The following TNRC18 variants were observed in gnomAD, a reference collection of about 807,000 sequenced individuals.
The protein encoded by TNRC18 is trinucleotide repeat containing 18.
In TNRC18, 69 loss-of-function variants were observed where a neutral mutation model predicts 226.7. The observed-to-expected ratio is 0.30, with a 90% CI of 0.25 to 0.37. TNRC18 has a LOEUF of 0.37. TNRC18 is among the 10% of genes least tolerant of loss of function. TNRC18 has a pLI of 1.00. For missense variants in TNRC18, 4,754 were observed against 4,256.6 expected, an observed-to-expected ratio of 1.12 and a Z score of -3.25; for synonymous variants, 2,449 against 1,927.6, an observed-to-expected ratio of 1.27 and a Z score of -7.09.
rs1392933711 is a variant in TNRC18, at chr7:5,388,406, C to T, written c.1418G>A (p.Arg473Lys). ...KELLKPEADPRPCERAPRGPA... is the reference protein window; with the variant it reads ...KELLKPEADPKPCERAPRGPA... ...GCCGCGGGGCGCACGCTCGCAGGGC[C>T]TCGGGTCCGCCTCGGGCTTGAGCAG... Residue 473 changes from arginine to lysine, a missense_variant, in exon 5 of 30, where the codon AGG becomes AAG. Physicochemically the swap from Arg to Lys is conservative, Grantham distance 26. Transcript: ENST00000430969. 2 of 1,497,994 alleles carry T rather than the reference C, an allele frequency of 1.3e-6. No individual in the cohort carries two copies. Among genetic ancestry groups the T allele is most frequent in the Non-Finnish European group, 1.8e-6 (2 of 1,132,988 alleles). 92.8% of individuals were successfully genotyped at this position (1,497,994 alleles called of 1,614,324 possible).
intron 18 of TNRC18, 47 bp downstream of exon 18, chr7:5,345,515 C>CCGGGGGCGG: frequency 2.9e-6 from 1 of 347,090 alleles, no homozygotes; most frequent in East Asian, 5.0e-5. Context: ...GCAATGGCGT[C>CCGGGGGCGG]CGCCCCTCCC....
intron 2 of TNRC18, among the ~76,000 whole-genome samples, chr7:5,407,834 G>A (rs1781581255): frequency 6.6e-6 from 1 of 152,106 alleles, no homozygotes; most frequent in Admixed American, 6.5e-5. Flanking sequence ...CTCCCAGGGT[G>A]GAAAAAGAGG....
Position 5,324,231 on chromosome 7 carries a change from T to A in TNRC18, c.6425A>T (p.Glu2142Val). The A allele has an allele frequency of 6.2e-7, 1 of 1,608,762 alleles. No homozygotes were observed. The highest frequency in any genetic ancestry group is 8.5e-7 in the Non-Finnish European group (1 of 1,178,536). Residue 2142 changes from glutamate (E) to valine (V), a missense_variant, in exon 21 of 30, where the codon GAG (glutamate) becomes GTG (valine). Physicochemically the swap from Glu to Val is moderately radical, Grantham distance 121. Coordinates refer to ENST00000430969, the MANE Select transcript of TNRC18 (RefSeq NM_001080495.3). The surrounding 1 kb of genome is among the most constrained non-coding windows in gnomAD (Gnocchi z 4.8). ...DEHLPRGGAV[E>V]RPLTPAPRSC... The stretch of plus-strand genomic sequence containing the variant: ...CCACTCACCCGGGGTCAGCGGCCGC[T>A]CCACAGCCCCGCCACGCGGCAGGTG...
chr7:5,373,243 G>A lies in TNRC18; in HGVS notation c.3229+812C>T, dbSNP rs972222628. Among the ~76,000 whole-genome samples the A allele has an allele frequency of 2.6e-5, 4 of 152,118 alleles. No homozygotes were observed. In the South Asian group the frequency reaches 6.2e-4, roughly 24 times the overall value. ...AGAGGCTGAAACAGGAGGATCGCTC[G>A]AGTCCAGGTGTTCAAGGCTGCAGTG... On this transcript the variant is annotated intron_variant, in intron 10 of 29. Coordinates refer to ENST00000430969, the MANE Select transcript of TNRC18 (RefSeq NM_001080495.3).
intron 16 of TNRC18, among the ~76,000 whole-genome samples, chr7:5,353,678 T>G (rs943350037): frequency 6.6e-6 from 1 of 152,052 alleles, no homozygotes; most frequent in African/African-American, 2.4e-5. Context: ...AACTCCCTGC[T>G]GGACACACCC....
intron 14 of TNRC18, among the ~76,000 whole-genome samples, chr7:5,359,850 T>C (rs569097724): frequency 2.0e-5 from 3 of 152,332 alleles, no homozygotes; most frequent in African/African-American, 7.2e-5. Flanking sequence ...CACACATCTC[T>C]GTGCGGTCAG....
intron 2 of TNRC18, chr7:5,420,120 C>G: frequency 3.2e-6 from 1 of 316,364 alleles, no homozygotes. Context: ...ACCCCTCTGG[C>G]TGCAGCGGCC....
intron 10 of TNRC18, among the ~76,000 whole-genome samples, chr7:5,372,910 G>A (rs1020252017): frequency 1.3e-5 from 2 of 152,142 alleles, no homozygotes; most frequent in Non-Finnish European, 2.9e-5. Context: ...TGTAATCCCA[G>A]CACTCTGGGA....
chr7:5,345,393 T>G (rs1006197032), intron 18 of TNRC18, among the ~76,000 whole-genome samples, 169 bp downstream of exon 18: 5 of 152,220 alleles, frequency 3.3e-5, no homozygotes, highest in Admixed American at 3.3e-4. Flanking sequence ...CCAGGGCCCC[T>G]GTCGCGAGCA....
intron 9 of TNRC18, among the ~76,000 whole-genome samples, chr7:5,375,585 A>G (rs891397907): frequency 1.1e-4 from 16 of 151,970 alleles, no homozygotes; most frequent in Non-Finnish European, 2.1e-4. Context: ...TCCAGAGCAG[A>G]CCCTTTGTGT....
At chr7:5,420,871 G>C (rs1403114482) in intron 2 of TNRC18, 189 bp downstream of exon 2, 2 of 764,134 alleles carry the variant, frequency 2.6e-6, no homozygotes, top group Admixed American at 2.1e-5. Context: ...TAGCCGAGCC[G>C]CGCGACACTC....
At chr7:5,318,714 G>A (rs1246888885) in intron 24 of TNRC18, among the ~76,000 whole-genome samples, 9 of 152,090 alleles carry the variant, frequency 5.9e-5, no homozygotes, top group Admixed American at 5.2e-4. Flanking sequence ...TCACAATGTT[G>A]AATGTCTTCA....
At chr7:5,364,484 CA>C (rs1793416300) in intron 11 of TNRC18, among the ~76,000 whole-genome samples, 1 of 137,552 alleles carries the variant, frequency 7.3e-6, no homozygotes, top group Non-Finnish European at 1.5e-5. Context: ...CACACACACA[CA>C]CACACACACA....
rs952965516 is a variant in TNRC18, at chr7:5,312,303, G to C, written c.8388+200C>G. The stretch of plus-strand genomic sequence containing the variant: ...AGGACCACTCTGCTCTGAAGGACTC[G>C]GGCATCGGAGTCCGACAGACCCAGG... On this transcript the variant is annotated intron_variant, in intron 27 of 29. Coordinates refer to ENST00000430969, the MANE Select transcript of TNRC18 (RefSeq NM_001080495.3). The surrounding 1 kb of genome is among the most constrained non-coding windows in gnomAD (Gnocchi z 6.3). Among the ~76,000 whole-genome samples the C allele has an allele frequency of 6.6e-6, 1 of 152,146 alleles. No individual in the cohort carries two copies. Among genetic ancestry groups the C allele is most frequent in the African/African-American group, 2.4e-5 (1 of 41,436 alleles).
chr7:5,390,856 G>T (rs1780244076), intron 3 of TNRC18, among the ~76,000 whole-genome samples: 1 of 152,012 alleles, frequency 6.6e-6, no homozygotes, highest in South Asian at 2.1e-4. Flanking sequence ...GTCCCCCCCA[G>T]AAAGAGGATC....
chr7:5,391,553 C>G lies in TNRC18; in HGVS notation c.344-925G>C, dbSNP rs185423489. On this transcript the variant is annotated intron_variant, in intron 3 of 29. Coordinates refer to ENST00000430969, the MANE Select transcript of TNRC18 (RefSeq NM_001080495.3). ...CTCGAACTCCCGGCTTCAAGTGATC[C>G]ACCCACCTCAGCCTCCCAAAGTGCT... Among the ~76,000 whole-genome samples the G allele has an allele frequency of 1.2e-3, 179 of 152,064 alleles. 2 individuals are homozygous for G. Among genetic ancestry groups the G allele is most frequent in the Admixed American group, 0.012 (177 of 15,270 alleles).
Position 5,395,865 on chromosome 7 carries a change from C to T in TNRC18, c.188-1270G>A, listed in dbSNP as rs1324865964. Among the ~76,000 whole-genome samples, 23 of 152,260 alleles carry T rather than the reference C, an allele frequency of 1.5e-4. No homozygotes were observed. The South Asian group carries it at 3.9e-3, about 26-fold the overall frequency. ...ACAAAAAATTAGCTGGATGTGGTGG[C>T]GGGCACCTGTAGTCCCAGCTACACG... On this transcript the variant is annotated intron_variant, in intron 2 of 29. Coordinates refer to ENST00000430969, the MANE Select transcript of TNRC18 (RefSeq NM_001080495.3).
Position 5,371,047 on chromosome 7 carries a change from C to T in TNRC18, c.3547G>A (p.Ala1183Thr), listed in dbSNP as rs772086755. 1.5e-5 allele frequency: 24 copies of T among 1,610,454 alleles called. No individual in the cohort carries two copies. The highest frequency in any genetic ancestry group is 8.5e-6 in the Non-Finnish European group (10 of 1,179,672). Residue 1183 changes from alanine (A) to threonine (T), a missense_variant, in exon 11 of 30, where the codon GCC (alanine) becomes ACC (threonine). Ala to Thr is a moderately conservative substitution (Grantham distance 58). Coordinates refer to ENST00000430969, the MANE Select transcript of TNRC18 (RefSeq NM_001080495.3). Reference sequence around the variant, plus strand: ...CTGGGGGTAGCCATGGCTTCCGCGGCGGGCAGTGGCAGCGGCGACTCCAGA... The same window carrying T: ...CTGGGGGTAGCCATGGCTTCCGCGGTGGGCAGTGGCAGCGGCGACTCCAGA... ...PPLESPLPLP[A>T]AEAMATPSPA...
Position 5,370,886 on chromosome 7 carries a change from T to C in TNRC18, c.3708A>G (p.Thr1236=). The C allele has an allele frequency of 1.9e-6, 3 of 1,607,236 alleles. No homozygotes were observed. Among genetic ancestry groups the C allele is most frequent in the Non-Finnish European group, 2.5e-6 (3 of 1,179,718 alleles). The stretch of plus-strand genomic sequence containing the variant: ...GGTCCAGGGCGGCGGTGCAGGGTTC[T>C]GTCCGGCCCGGGGAATCCACCCGTG... ...PEPRVDSPGR[T]EPCTAALDLG... Residue 1236 remains threonine, a synonymous_variant, in exon 11 of 30, where the codon ACA becomes ACG. Coordinates refer to ENST00000430969, the MANE Select transcript of TNRC18 (RefSeq NM_001080495.3).
Sources: allele counts gnomAD v4.1 joint callset (sites outside exome capture counted in the v4.1 genomes callset), GRCh38; gene constraint gnomAD v4.1.1; non-coding constraint Gnocchi (gnomAD v3.1); transcripts MANE v1.5; gene names NCBI Gene and HGNC (gene_info 2026-07-23, HGNC 2026-07-21).